Variants in CEP112 observed in about 807,000 individuals in gnomAD.
The protein encoded by CEP112 is centrosomal protein of 112 kDa.
In CEP112, 127 loss-of-function variants were observed where a neutral mutation model predicts 153.0. The observed-to-expected ratio is 0.83, with a 90% confidence interval of 0.72 to 0.96. The LOEUF (loss-of-function observed/expected upper bound fraction) is 0.96. Ranked by LOEUF, CEP112 falls within the 40% of genes least tolerant of loss-of-function variation. CEP112 has a pLI of 0.00. For missense variants in CEP112, 1,089 were observed against 1,101.2 expected (o/e 0.99, Z 0.16); for synonymous variants, 358 against 374.4 (o/e 0.96, Z 0.51).
At chr17:65,772,469 A>G (rs2053417147) in intron 21 of CEP112, among the ~76,000 whole-genome samples, 1 of 152,118 alleles carries the variant, frequency 6.6e-6, no homozygotes, top group South Asian at 2.1e-4. Context: ...TGAACATCAT[A>G]TTTACAAATG....
At chr17:66,058,377 A>G (rs2066788878) in intron 11 of CEP112, among the ~76,000 whole-genome samples, 1 of 152,142 alleles carries the variant, frequency 6.6e-6, no homozygotes, top group South Asian at 2.1e-4. Context: ...TGTGAGAAAG[A>G]AAAACCACAT....
chr17:66,119,872 C>T (rs1398375514), intron 6 of CEP112, among the ~76,000 whole-genome samples: 1 of 152,154 alleles, frequency 6.6e-6, no homozygotes, highest in Non-Finnish European at 1.5e-5. Flanking sequence ...TGCTCCTCAT[C>T]CTCACCAGCA....
chr17:66,090,018 T>A (rs2068075515), intron 8 of CEP112, among the ~76,000 whole-genome samples: 2 of 151,614 alleles, frequency 1.3e-5, no homozygotes, highest in African/African-American at 4.8e-5. Flanking sequence ...CAGAAAAGAG[T>A]AGGATGATAT....
At chr17:65,799,534 G>C (rs1311677908) in intron 21 of CEP112, among the ~76,000 whole-genome samples, 2 of 152,334 alleles carry the variant, frequency 1.3e-5, no homozygotes, top group African/African-American at 4.8e-5. Context: ...TAGAAGTCCA[G>C]TTGGGAAGAT....
intron 21 of CEP112, among the ~76,000 whole-genome samples, chr17:65,836,059 C>T (rs1477255227): frequency 6.6e-6 from 1 of 152,086 alleles, no homozygotes; most frequent in African/African-American, 2.4e-5. Flanking sequence ...TTAAAATAAC[C>T]TCTTATAACT....
At chr17:65,827,407 A>G (rs1490819749) in intron 21 of CEP112, among the ~76,000 whole-genome samples, 2 of 152,212 alleles carry the variant, frequency 1.3e-5, no homozygotes, top group Non-Finnish European at 2.9e-5. Flanking sequence ...CAAATCCATC[A>G]GAAAATCATA....
intron 17 of CEP112, among the ~76,000 whole-genome samples, chr17:65,964,928 A>G (rs2062354550): frequency 6.6e-6 from 1 of 152,228 alleles, no homozygotes; most frequent in Non-Finnish European, 1.5e-5. Context: ...GAAAACTTTA[A>G]AAGTTTATAT....
intron 17 of CEP112, among the ~76,000 whole-genome samples, chr17:65,984,207 G>C (rs1446244610): frequency 6.6e-6 from 1 of 151,660 alleles, no homozygotes; most frequent in Non-Finnish European, 1.5e-5. Flanking sequence ...GCTTATTATT[G>C]ATTTCTAATT....
chr17:65,754,173 G>T (rs957806581), intron 21 of CEP112, among the ~76,000 whole-genome samples: 2 of 152,188 alleles, frequency 1.3e-5, no homozygotes, highest in Admixed American at 6.5e-5. Flanking sequence ...AAATACTGAA[G>T]TAACAGATGG....
rs942535980 is a variant in CEP112 at position 66,131,606 on chromosome 17, C to T, written c.564+1064G>A. Among the ~76,000 whole-genome samples, 60 of 151,768 alleles carry T rather than the reference C, an allele frequency of 4.0e-4. 1 individual carries two copies. The highest frequency in any genetic ancestry group is 1.7e-3 in the Admixed American group (26 of 15,248). ...AATACAAAAAATTAGCCAGGTGTGG[C>T]GGCAGGCGCCTGTAGTCCCAGCTAC... On this transcript the variant is annotated intron_variant, in intron 5 of 26. Transcript: ENST00000535342.
intron 20 of CEP112, among the ~76,000 whole-genome samples, chr17:65,899,468 C>T (rs867581081): frequency 9.9e-5 from 15 of 152,156 alleles, no homozygotes; most frequent in African/African-American, 3.6e-4. Context: ...ATTTCTATGT[C>T]TTATCATTGC....
chr17:65,875,716 A>G (rs2058804939), intron 20 of CEP112, among the ~76,000 whole-genome samples: 1 of 152,178 alleles, frequency 6.6e-6, no homozygotes, highest in African/African-American at 2.4e-5. Flanking sequence ...CAATGAGAAT[A>G]TTAGTACTGC....
chr17:65,693,055 T>C (rs1238652509), intron 23 of CEP112, among the ~76,000 whole-genome samples: 3 of 152,202 alleles, frequency 2.0e-5, no homozygotes, highest in Admixed American at 6.5e-5. Flanking sequence ...ATGATAATAA[T>C]TGATAATATA....
chr17:66,162,670 C>T (rs1035113419), intron 4 of CEP112, among the ~76,000 whole-genome samples: 1 of 152,090 alleles, frequency 6.6e-6, no homozygotes, highest in Non-Finnish European at 1.5e-5. Flanking sequence ...CAAAAGGGAA[C>T]ACGCTTTATG....
intron 11 of CEP112, among the ~76,000 whole-genome samples, chr17:66,058,381 A>C (rs2066789030): frequency 6.6e-6 from 1 of 152,092 alleles, no homozygotes; most frequent in Admixed American, 6.5e-5. Context: ...AGAAAGAAAA[A>C]CCACATGACT....
At chr17:65,765,096 G>C (rs1415166670) in intron 21 of CEP112, among the ~76,000 whole-genome samples, 1 of 125,350 alleles carries the variant, frequency 8.0e-6, no homozygotes, top group Non-Finnish European at 1.6e-5. Flanking sequence ...GCTCTCTATT[G>C]CATTTTTAAA....
chr17:65,882,253 A>C (rs2059105687), intron 20 of CEP112, among the ~76,000 whole-genome samples: 1 of 152,198 alleles, frequency 6.6e-6, no homozygotes, highest in Non-Finnish European at 1.5e-5. Context: ...TTACGTCTCT[A>C]ATACTGTACT....
In CEP112 at chr17:66,096,282, T is replaced by A; in HGVS notation, c.737A>T (p.Asp246Val). 8 of 1,613,330 alleles carry A rather than the reference T, an allele frequency of 5.0e-6. No homozygotes were observed. The highest frequency in any genetic ancestry group is 6.8e-6 in the Non-Finnish European group (8 of 1,179,624). Reference protein sequence around the residue: ...SLRKSSSFHDDHFLSRIREKE... With the variant: ...SLRKSSSFHDVHFLSRIREKE... Reference sequence around the variant, plus strand: ...CTCACGTATTCGAGAGAGAAAATGATCATCATGGAAACTGCTGGATTTTCT... The same window carrying A: ...CTCACGTATTCGAGAGAGAAAATGAACATCATGGAAACTGCTGGATTTTCT... Residue 246 changes from aspartate (D) to valine (V), a missense_variant, in exon 8 of 27, where the codon GAT becomes GTT. Coordinates refer to ENST00000535342, the MANE Select transcript of CEP112 (RefSeq NM_001199165.4).
intron 24 of CEP112, among the ~76,000 whole-genome samples, chr17:65,666,373 T>A (rs1446984045): frequency 6.6e-6 from 1 of 152,100 alleles, no homozygotes; most frequent in Non-Finnish European, 1.5e-5. Flanking sequence ...GTCTACCTCA[T>A]GGGACACCCA....
Sources: gnomAD v4.1 joint callset for allele counts (sites outside exome capture counted in the v4.1 genomes callset) on GRCh38, gnomAD v4.1.1 for gene constraint, MANE v1.5 for transcripts, NCBI Gene and HGNC (gene_info 2026-07-23, HGNC 2026-07-21) for gene names.